MACROD2: variants seen among roughly 807,000 people sequenced by gnomAD.
MACROD2 encodes ADP-ribose glycohydrolase MACROD2.
A neutral mutation model predicts 70.4 loss-of-function variants in MACROD2; 36 were observed. The observed-to-expected ratio is 0.51, with a 90% CI of 0.39 to 0.68. The LOEUF (loss-of-function observed/expected upper bound fraction) is 0.68, where lower values mean the gene tolerates loss of function less well. Among genes scored for constraint, MACROD2 ranks in the 30% least tolerant of loss-of-function variants. MACROD2 has a pLI of 0.00. For synonymous variants in MACROD2, 172 were observed against 178.8 expected, an observed-to-expected ratio of 0.96 and a Z score of 0.30; for missense variants, 496 against 538.4, an observed-to-expected ratio of 0.92 and a Z score of 0.78.
intron 7 of MACROD2, among the ~76,000 whole-genome samples, chr20:15,444,850 C>T (rs1380797299): frequency 6.6e-6 from 1 of 152,020 alleles, no homozygotes; most frequent in Non-Finnish European, 1.5e-5. Context: ...TAATGAGGTT[C>T]ATATAGGTAA....
intron 13 of MACROD2, among the ~76,000 whole-genome samples, chr20:15,968,796 CGTATATATATATATATAT>C (rs1300760478): frequency 4.0e-5 from 2 of 50,214 alleles, no homozygotes; most frequent in African/African-American, 1.2e-4. Flanking sequence ...ATATATTATG[CGTATATATATATATATAT>C]ATATATATAT....
At chr20:14,868,134 C>T (rs1250510737) in intron 5 of MACROD2, among the ~76,000 whole-genome samples, 1 of 151,838 alleles carries the variant, frequency 6.6e-6, no homozygotes, top group African/African-American at 2.4e-5. Context: ...GCCCCCAAAC[C>T]CAACCATCTT....
chr20:14,793,411 C>T (rs911180742), intron 5 of MACROD2, among the ~76,000 whole-genome samples: 2 of 151,958 alleles, frequency 1.3e-5, no homozygotes, highest in African/African-American at 4.8e-5. Flanking sequence ...TTATTCATTA[C>T]ATAGACTGAT....
intron 8 of MACROD2, among the ~76,000 whole-genome samples, chr20:15,583,848 G>T (rs917136431): frequency 1.3e-5 from 2 of 152,092 alleles, no homozygotes; most frequent in African/African-American, 4.8e-5. Flanking sequence ...CACCATGTTG[G>T]CCAGGCTGGT....
At chr20:14,117,192 C>G (rs770415463) in intron 3 of MACROD2, among the ~76,000 whole-genome samples, 29 of 152,132 alleles carry the variant, frequency 1.9e-4, no homozygotes, top group Non-Finnish European at 8.8e-5. Flanking sequence ...AATTCCTACT[C>G]AGCTTTCAAG....
At chr20:15,367,305 C>T (rs767721419) in intron 6 of MACROD2, among the ~76,000 whole-genome samples, 19 of 152,246 alleles carry the variant, frequency 1.2e-4, no homozygotes, top group Middle Eastern at 3.4e-3. Flanking sequence ...GGATTACAGG[C>T]GTGAGCCACC....
chr20:15,416,036 G>A (rs1489718289), intron 6 of MACROD2, among the ~76,000 whole-genome samples: 1 of 152,170 alleles, frequency 6.6e-6, no homozygotes, highest in African/African-American at 2.4e-5. Context: ...GTGGTTGCTG[G>A]TTGGATTAAT....
chr20:15,155,876 C>T (rs2076303642), intron 5 of MACROD2, among the ~76,000 whole-genome samples: 1 of 152,006 alleles, frequency 6.6e-6, no homozygotes, highest in Non-Finnish European at 1.5e-5. Flanking sequence ...CATAAAATGA[C>T]CCAATGGCTT....
chr20:14,590,506 G>C (rs1981694306), intron 4 of MACROD2, among the ~76,000 whole-genome samples: 2 of 152,130 alleles, frequency 1.3e-5, no homozygotes, highest in Non-Finnish European at 2.9e-5. Flanking sequence ...GTAGCTGTCA[G>C]GGTGAAACTG....
intron 8 of MACROD2, among the ~76,000 whole-genome samples, chr20:15,760,405 C>G (rs1297550991): frequency 6.6e-6 from 1 of 152,202 alleles, no homozygotes; most frequent in East Asian, 1.9e-4. Flanking sequence ...CTTCGGCAGA[C>G]AGCTGAGAAA....
At chr20:15,274,734 G>T (rs2077375421) in intron 6 of MACROD2, among the ~76,000 whole-genome samples, 1 of 152,238 alleles carries the variant, frequency 6.6e-6, no homozygotes, top group Non-Finnish European at 1.5e-5. Flanking sequence ...TGACTTCATT[G>T]AGCTCAGGGA....
At chr20:14,743,224 A>G (rs972133712) in intron 5 of MACROD2, among the ~76,000 whole-genome samples, 15 of 152,258 alleles carry the variant, frequency 9.9e-5, no homozygotes, top group Admixed American at 3.9e-4. Flanking sequence ...GGTAGTAAGA[A>G]TGCTGGTCCT....
At chr20:14,783,898 T>C (rs970221801) in intron 5 of MACROD2, among the ~76,000 whole-genome samples, 1 of 152,114 alleles carries the variant, frequency 6.6e-6, no homozygotes, top group Admixed American at 6.5e-5. Flanking sequence ...AGTAATCTCT[T>C]AAGAACTGTT....
intron 5 of MACROD2, among the ~76,000 whole-genome samples, chr20:15,178,547 T>C (rs1431520245): frequency 6.6e-6 from 1 of 152,170 alleles, no homozygotes; most frequent in Non-Finnish European, 1.5e-5. Context: ...GAGCTTGAGA[T>C]CTACAGAGGA....
intron 4 of MACROD2, among the ~76,000 whole-genome samples, chr20:14,529,294 C>A (rs1001420004): frequency 6.6e-6 from 1 of 152,198 alleles, no homozygotes; most frequent in Non-Finnish European, 1.5e-5. Flanking sequence ...TTAGTTAATT[C>A]ATTAGTTAAT....
intron 8 of MACROD2, among the ~76,000 whole-genome samples, chr20:15,631,649 T>C (rs1310828212): frequency 6.6e-6 from 1 of 152,152 alleles, no homozygotes; most frequent in Non-Finnish European, 1.5e-5. Flanking sequence ...GGACAGGGCT[T>C]GGGCAGGGGA....
chr20:14,943,941 T>A (rs1323832248), intron 5 of MACROD2, among the ~76,000 whole-genome samples: 1 of 152,190 alleles, frequency 6.6e-6, no homozygotes, highest in Non-Finnish European at 1.5e-5. Flanking sequence ...TTTATTGTTG[T>A]CTTAAGGTTA....
rs148836269 is a variant in MACROD2, at chr20:14,653,202, C to T, written c.302-31641C>T. 4.4e-4 allele frequency among the ~76,000 whole-genome samples: 67 copies of T among 151,478 alleles called. 2 individuals are homozygous for T. The highest frequency in any genetic ancestry group is 1.6e-3 in the African/African-American group (64 of 41,266). On this transcript the variant is annotated intron_variant, in intron 4 of 17. Transcript: ENST00000684519. ...AGTAGCTGGGACTATAGGCATTCAC[C>T]AACATGTACAGCAATTTTTTTTTTT...
chr20:14,634,184 G>A (rs1286552417), intron 4 of MACROD2, among the ~76,000 whole-genome samples: 1 of 152,140 alleles, frequency 6.6e-6, no homozygotes, highest in Admixed American at 6.6e-5. Flanking sequence ...TCTGAGATGT[G>A]GCCTGAAGTA....
Sources: gnomAD v4.1 joint callset for allele counts (sites outside exome capture counted in the v4.1 genomes callset) on GRCh38, gnomAD v4.1.1 for gene constraint, MANE v1.5 for transcripts, NCBI Gene and HGNC (gene_info 2026-07-23, HGNC 2026-07-21) for gene names.